The following FAN1 variants were observed in gnomAD, a reference collection of about 807,000 sequenced individuals.
FAN1 encodes FANCD2 and FANCI associated nuclease 1, also known as fanconi-associated nuclease 1.
A neutral mutation model predicts 104.9 loss-of-function variants in FAN1; 91 were observed. The observed-to-expected ratio is 0.87, with a 90% confidence interval of 0.73 to 1.03. FAN1 has a LOEUF of 1.03. Among genes scored for constraint, FAN1 ranks in the 50% least tolerant of loss-of-function variants. FAN1 has a pLI of 0.00. For missense variants in FAN1, 1,263 were observed against 1,239.9 expected (o/e 1.02, Z -0.28); for synonymous variants, 478 against 457.6 (o/e 1.04, Z -0.57).
chr15:30,941,484 C>A, intron 14 of FAN1, 82 bp from the exon 15 acceptor site: 1 of 1,605,920 alleles, frequency 6.2e-7, no homozygotes, highest in Non-Finnish European at 8.5e-7. Context: ...TCTTCATTTG[C>A]TAATGTCTCA....
intron 10 of FAN1, chr15:30,927,266 C>T (rs138966584): frequency 1.4e-5 from 14 of 985,334 alleles, no homozygotes; most frequent in African/African-American, 1.7e-5. Context: ...CCTGCCTGAT[C>T]GTCAGTGTAT....
intron 4 of FAN1, among the ~76,000 whole-genome samples, chr15:30,912,303 C>T (rs113482660): frequency 1.8e-3 from 280 of 152,306 alleles, no homozygotes; most frequent in African/African-American, 6.0e-3. Context: ...GCTAGGGCAG[C>T]GCCTGGTGCT....
At position 30,942,674 on chromosome 15, in the gene FAN1, A is replaced by G. The variant is rs1439187503; in HGVS notation, c.*1112A>G. ...TCAGGCTTGCAGGCTCAAAGCTGCA[A>G]TCTGCCCACTCTCAGGTACTGAGAC... On this transcript the variant is annotated 3_prime_UTR_variant, in exon 15 of 15. Transcript: ENST00000362065. The G allele has an allele frequency of 1.2e-5, 6 of 508,208 alleles. No individual in the cohort carries two copies. The highest frequency in any genetic ancestry group is 2.0e-5 in the African/African-American group (1 of 51,052). 31.5% of individuals were successfully genotyped at this position (508,208 alleles called of 1,614,324 possible).
At chr15:30,927,601 G>A in intron 10 of FAN1, 1 of 985,556 alleles carries the variant, frequency 1.0e-6, no homozygotes, top group East Asian at 1.1e-4. Context: ...CAGATGGGTT[G>A]GGGCCTGTAA....
intron 3 of FAN1, among the ~76,000 whole-genome samples, 189 bp from the exon 4 acceptor site, chr15:30,910,422 CTTT>C (rs557866359): frequency 1.3e-3 from 196 of 152,164 alleles, no homozygotes; most frequent in African/African-American, 4.1e-3. Context: ...TATTTGATAA[CTTT>C]TAAGAGATAT....
intron 12 of FAN1, 104 bp downstream of exon 12, chr15:30,929,501 T>C (rs1039262256): frequency 1.6e-5 from 11 of 684,672 alleles, no homozygotes; most frequent in Admixed American, 3.3e-5. Context: ...TATATGTAAA[T>C]ACATGTATGT....
chr15:30,938,090 A>G (rs996227487), intron 14 of FAN1, among the ~76,000 whole-genome samples: 19 of 151,972 alleles, frequency 1.3e-4, no homozygotes, highest in Non-Finnish European at 1.5e-5. Flanking sequence ...AGGCTGAGGC[A>G]GGAGGATGGC....
chr15:30,920,724 C>T (rs1043891987), intron 7 of FAN1, 71 bp downstream of exon 7: 71 of 859,284 alleles, frequency 8.3e-5, no homozygotes, highest in African/African-American at 4.5e-4. Context: ...GGACAGCTGT[C>T]GGGCTCTCAG....
Position 30,925,274 on chromosome 15 carries a change from G to A in FAN1, c.2320G>A (p.Val774Met). ...HLFQQLPEMA[V>M]QDVKHVTITG... ...CTTCCAGCAGCTCCCAGAAATGGCT[G>A]TGCAAGATGTGAAACACGTGAGGAA... The change falls in exon 9 of 15, where the codon GTG becomes ATG. Residue 774 changes from valine to methionine, a missense_variant. By Grantham distance (21) the Val-to-Met change is conservative. Around this residue, in one of 2 missense-constraint regions of FAN1, gnomAD observed 581 missense variants for 668.8 expected, o/e 0.87. Transcript: ENST00000362065. 1 of 1,614,040 alleles carries A rather than the reference G, an allele frequency of 6.2e-7. No individual in the cohort carries two copies. The highest frequency in any genetic ancestry group is 8.5e-7 in the Non-Finnish European group (1 of 1,179,964).
intron 9 of FAN1, 143 bp from the exon 10 acceptor site, chr15:30,925,646 T>C: frequency 1.1e-6 from 1 of 948,432 alleles, no homozygotes; most frequent in Non-Finnish European, 1.6e-6. Flanking sequence ...CCCGCAGTTC[T>C]GCGTGTGTGA....
chr15:30,918,932 A>G (rs2062252579), intron 6 of FAN1, among the ~76,000 whole-genome samples: 1 of 152,214 alleles, frequency 6.6e-6, no homozygotes, highest in Non-Finnish European at 1.5e-5. Flanking sequence ...ATCTGTGTGT[A>G]ACATCTGACT....
intron 13 of FAN1, among the ~76,000 whole-genome samples, chr15:30,935,798 C>T (rs1052102861): frequency 3.9e-5 from 6 of 152,134 alleles, no homozygotes; most frequent in African/African-American, 1.4e-4. Context: ...AAATATTAGT[C>T]TACTGTCTTC....
chr15:30,940,153 T>C, intron 14 of FAN1: 1 of 985,446 alleles, frequency 1.0e-6, no homozygotes, highest in Non-Finnish European at 1.2e-6. Flanking sequence ...AATTTGAAAG[T>C]ATCCATGTTT....
chr15:30,942,083 G>A lies in FAN1; in HGVS notation c.*521G>A, dbSNP rs375184977. The A allele has an allele frequency of 1.7e-4, 274 of 1,606,608 alleles. No individual in the cohort carries two copies. Among genetic ancestry groups the A allele is most frequent in the Non-Finnish European group, 2.1e-4 (249 of 1,175,364 alleles). On this transcript the variant is annotated 3_prime_UTR_variant, in exon 15 of 15. Coordinates refer to ENST00000362065, the MANE Select transcript of FAN1 (RefSeq NM_014967.5). ...GGAGCTGTAGCTTTTCTATACAGAA[G>A]AGATTTTATTATGTTCCGGGGATTC...
At chr15:30,919,305 A>C (rs1235834788) in intron 6 of FAN1, among the ~76,000 whole-genome samples, 3 of 144,332 alleles carry the variant, frequency 2.1e-5, no homozygotes, top group African/African-American at 7.8e-5. Flanking sequence ...ACTTGAACCC[A>C]GGAGGTGGAG....
At chr15:30,907,126 G>C (rs7170006) in intron 2 of FAN1, among the ~76,000 whole-genome samples, 3,298 of 151,518 alleles carry the variant, frequency 0.022, 119 homozygotes, top group African/African-American at 0.076. Flanking sequence ...TGTTGCCCAG[G>C]CTGGAGTGCA....
In FAN1 at chr15:30,904,772, G is replaced by GCA; in HGVS notation, c.111_112dup (p.Pro38HisfsTer20). ...TTCTATTATTTCGTGTTTTAACAAT[G>GCA]CACCACCTGCTAAACTTGCCTGCCC... On this transcript the variant is annotated frameshift_variant, in exon 2 of 15. Coordinates refer to ENST00000362065, the MANE Select transcript of FAN1 (RefSeq NM_014967.5). LOFTEE classifies it high-confidence loss of function. The GCA allele has an allele frequency of 6.2e-7, 1 of 1,613,588 alleles. No individual in the cohort carries two copies. The highest frequency in any genetic ancestry group is 8.5e-7 in the Non-Finnish European group (1 of 1,179,576).
At chr15:30,932,879 AT>A (rs774762002) in intron 13 of FAN1, among the ~76,000 whole-genome samples, 761 of 139,164 alleles carry the variant, frequency 5.5e-3, no homozygotes, top group Middle Eastern at 7.8e-3. Context: ...TGCCTGGATA[AT>A]TTTTTTTTTT....
intron 5 of FAN1, among the ~76,000 whole-genome samples, chr15:30,914,594 G>A (rs549920260): frequency 5.3e-5 from 8 of 152,150 alleles, no homozygotes; most frequent in South Asian, 4.2e-4. Flanking sequence ...CTCAACTCCC[G>A]GACTCAAGCA....
Sources: allele counts gnomAD v4.1 joint callset (sites outside exome capture counted in the v4.1 genomes callset), GRCh38; gene constraint gnomAD v4.1.1; regional missense constraint gnomAD v4.1.1; transcripts MANE v1.5; gene names NCBI Gene and HGNC (gene_info 2026-07-23, HGNC 2026-07-21).